The following ERBB4 variants were observed in gnomAD, a reference collection of about 807,000 sequenced individuals.
ERBB4 encodes the protein erb-b2 receptor tyrosine kinase 4, also known as receptor tyrosine-protein kinase erbB-4.
In ERBB4, 42 loss-of-function variants were observed where a neutral mutation model predicts 158.0. That is an observed-to-expected ratio of 0.27 (90% CI 0.21 to 0.34). ERBB4 has a LOEUF of 0.34. ERBB4 is among the 10% of genes least tolerant of loss of function. The pLI is 1.00. For synonymous variants in ERBB4, 583 were observed against 558.7 expected (o/e 1.04, Z -0.61); for missense variants, 1,333 against 1,624.1 (o/e 0.82, Z 3.08).
At chr2:212,347,693 C>T (rs1184348736) in intron 1 of ERBB4, among the ~76,000 whole-genome samples, 2 of 152,090 alleles carry the variant, frequency 1.3e-5, no homozygotes, top group Non-Finnish European at 2.9e-5. Flanking sequence ...CGATCATTTC[C>T]TTTGAGTGTC....
At chr2:212,411,363 CATTAT>C (rs2091494391) in intron 1 of ERBB4, among the ~76,000 whole-genome samples, 5 of 152,014 alleles carry the variant, frequency 3.3e-5, no homozygotes. Flanking sequence ...TAGAAATTCC[CATTAT>C]ATTTGTAAAA....
chr2:211,901,741 C>CT (rs1360022081), intron 3 of ERBB4, among the ~76,000 whole-genome samples: 8 of 151,974 alleles, frequency 5.3e-5, no homozygotes, highest in African/African-American at 1.7e-4. Context: ...AGCCTAATAG[C>CT]TTTTTTCCTA....
At chr2:211,772,834 T>C (rs898617255) in intron 4 of ERBB4, among the ~76,000 whole-genome samples, 910 of 10,244 alleles carry the variant, frequency 0.089, 45 homozygotes, top group Non-Finnish European at 0.11. Context: ...TATATATATA[T>C]ACACATATAT....
intron 20 of ERBB4, among the ~76,000 whole-genome samples, chr2:211,560,916 A>C (rs1446480622): frequency 6.6e-6 from 1 of 152,170 alleles, no homozygotes; most frequent in Non-Finnish European, 1.5e-5. Context: ...TATTTAAAAA[A>C]GGCCAAAACC....
chr2:212,158,629 TCTGGGCCACTC>T (rs1369165144), intron 1 of ERBB4, among the ~76,000 whole-genome samples: 1 of 151,996 alleles, frequency 6.6e-6, no homozygotes, highest in Non-Finnish European at 1.5e-5. Flanking sequence ...ATCATGTCTC[TCTGGGCCACTC>T]ACATCCCCAA....
At chr2:211,514,893 T>C (rs1048700847) in intron 20 of ERBB4, among the ~76,000 whole-genome samples, 6 of 152,142 alleles carry the variant, frequency 3.9e-5, no homozygotes, top group Non-Finnish European at 8.8e-5. Flanking sequence ...TTTGCAGCAT[T>C]TTGGATTTTG....
intron 20 of ERBB4, among the ~76,000 whole-genome samples, chr2:211,499,039 A>G (rs976086746): frequency 6.6e-6 from 1 of 152,128 alleles, no homozygotes; most frequent in Admixed American, 6.5e-5. Context: ...CTCCAGCGCT[A>G]GCACAGAGCC....
intron 9 of ERBB4, among the ~76,000 whole-genome samples, chr2:211,706,615 A>C (rs113965420): frequency 6.3e-4 from 95 of 151,416 alleles, no homozygotes; most frequent in African/African-American, 2.1e-3. Context: ...AAAAAAAAAA[A>C]CAAAAAAAAC....
At chr2:212,387,453 A>ATTTT (rs34316082) in intron 1 of ERBB4, among the ~76,000 whole-genome samples, 1 of 128,866 alleles carries the variant, frequency 7.8e-6, no homozygotes. Flanking sequence ...GTTAGAACAC[A>ATTTT]TTTTTTTTTT....
intron 2 of ERBB4, among the ~76,000 whole-genome samples, chr2:211,986,680 A>G (rs192834471): frequency 6.6e-6 from 1 of 152,286 alleles, no homozygotes; most frequent in East Asian, 1.9e-4. Flanking sequence ...TCTCTGTGGC[A>G]TAACAGGTAC....
chr2:212,372,121 A>AACCAGAT (rs2090108953), intron 1 of ERBB4, among the ~76,000 whole-genome samples: 1 of 152,126 alleles, frequency 6.6e-6, no homozygotes, highest in South Asian at 2.1e-4. Flanking sequence ...GTCCTCCACC[A>AACCAGAT]ACCAGTCCTG....
chr2:211,467,502 A>G (rs1053588515), intron 20 of ERBB4, among the ~76,000 whole-genome samples: 13 of 152,176 alleles, frequency 8.5e-5, no homozygotes, highest in African/African-American at 2.9e-4. Context: ...GTCTACGTTC[A>G]CAGTGCTTCC....
At chr2:212,449,084 G>T (rs1237569010) in intron 1 of ERBB4, among the ~76,000 whole-genome samples, 1 of 151,970 alleles carries the variant, frequency 6.6e-6, no homozygotes, top group African/African-American at 2.4e-5. Context: ...ATAGAAGTGT[G>T]GCTTCTATCA....
chr2:212,497,441 ATTAACTTAG>A (rs1300438771), intron 1 of ERBB4, among the ~76,000 whole-genome samples: 1 of 152,140 alleles, frequency 6.6e-6, no homozygotes, highest in Non-Finnish European at 1.5e-5. Context: ...CTGTCCATTC[ATTAACTTAG>A]ACACTAGCTG....
intron 3 of ERBB4, among the ~76,000 whole-genome samples, chr2:211,946,981 C>T (rs764052542): frequency 1.2e-4 from 18 of 151,982 alleles, no homozygotes; most frequent in Non-Finnish European, 2.1e-4. Flanking sequence ...GAAATCAAAA[C>T]TGTATAAATT....
At position 212,482,673 on chromosome 2, in the gene ERBB4, G is replaced by A. The variant is rs1689763132; in HGVS notation, c.82+55776C>T. ...TGCTCTGTTGCCAGGCTGGAGTGCA[G>A]TGGTGCTATCTCAGCTCACTGCAAC... On this transcript the variant is annotated intron_variant, in intron 1 of 27. Transcript: ENST00000342788. 2.0e-5 allele frequency among the ~76,000 whole-genome samples: 3 copies of A among 152,326 alleles called. No individual in the cohort carries two copies. In the South Asian group the frequency reaches 6.2e-4, roughly 32 times the overall value.
intron 2 of ERBB4, among the ~76,000 whole-genome samples, chr2:211,980,792 C>T (rs150604836): frequency 2.0e-5 from 3 of 152,190 alleles, no homozygotes; most frequent in Non-Finnish European, 4.4e-5. Flanking sequence ...GCTCATGTCT[C>T]AGGACACATT....
intron 1 of ERBB4, among the ~76,000 whole-genome samples, chr2:212,381,058 T>G (rs1225269788): frequency 1.3e-5 from 2 of 151,358 alleles, no homozygotes; most frequent in Non-Finnish European, 3.0e-5. Flanking sequence ...CCGAAAAAAG[T>G]CATAGTTAAA....
Position 212,479,546 on chromosome 2 carries a change from CCTCT to C in ERBB4, c.82+58899_82+58902del, listed in dbSNP as rs1256138341. Among the ~76,000 whole-genome samples the C allele has an allele frequency of 6.6e-5, 10 of 151,846 alleles. No homozygotes were observed. The East Asian group carries it at 1.7e-3, about 26-fold the overall frequency. ...TTGAAAGTCATTAACTCATTAAATT[CCTCT>C]CTCTCTCTTAGTATGAAGGTTCTAT... On this transcript the variant is annotated intron_variant, in intron 1 of 27. Transcript: ENST00000342788.
Sources: allele counts gnomAD v4.1 joint callset (sites outside exome capture counted in the v4.1 genomes callset), GRCh38; gene constraint gnomAD v4.1.1; transcripts MANE v1.5; gene names NCBI Gene and HGNC (gene_info 2026-07-23, HGNC 2026-07-21).